The following ZFYVE1 variants were observed in gnomAD, a reference collection of about 807,000 sequenced individuals.
The protein encoded by ZFYVE1 is zinc finger FYVE-type containing 1.
Under a neutral mutation model 74.4 loss-of-function variants are expected in ZFYVE1, and 30 were observed. The observed-to-expected ratio is 0.40, with a 90% confidence interval of 0.30 to 0.55. The LOEUF is 0.55. ZFYVE1 is among the 20% of genes least tolerant of loss of function. The probability of loss-of-function intolerance (pLI) is 0.42; values close to 1 mark genes in which losing one functional copy is unlikely to be tolerated. For synonymous variants in ZFYVE1, 335 were observed against 385.1 expected, an observed-to-expected ratio of 0.87 and a Z score of 1.52; for missense variants, 703 against 1,011.6, an observed-to-expected ratio of 0.69 and a Z score of 4.14.
chr14:72,988,202 T>G lies in ZFYVE1; in HGVS notation c.1203+4941A>C, dbSNP rs148464011. Among the ~76,000 whole-genome samples the G allele has an allele frequency of 6.3e-5, 9 of 142,336 alleles. No individual in the cohort carries two copies. The East Asian group carries it at 1.7e-3, about 26-fold the overall frequency. 93.4% of individuals were successfully genotyped at this position (142,336 alleles called of 152,430 possible). ...TTTTTTTTTTTTTTTTGAGACAGAG[T>G]CTTGCTCTGTCACCCAGGCTAGAGT... On this transcript the variant is annotated intron_variant, in intron 4 of 11. Transcript: ENST00000556143.
chr14:72,983,915 T>C (rs1053330553), intron 4 of ZFYVE1, among the ~76,000 whole-genome samples: 1 of 152,188 alleles, frequency 6.6e-6, no homozygotes, highest in African/African-American at 2.4e-5. Flanking sequence ...TCACACCAGT[T>C]AGAATGGCGA....
At chr14:72,993,410 A>T (rs1893669923) in intron 3 of ZFYVE1, 53 bp from the exon 4 acceptor site, 9 of 1,515,204 alleles carry the variant, frequency 5.9e-6, no homozygotes, top group Non-Finnish European at 8.0e-6. Flanking sequence ...TTAAAAAAAA[A>T]AAAAAAAGTA....
intron 2 of ZFYVE1, among the ~76,000 whole-genome samples, chr14:73,001,999 T>A (rs1462609209): frequency 3.9e-5 from 6 of 152,074 alleles, no homozygotes; most frequent in Admixed American, 1.3e-4. Context: ...TGTTACCTAA[T>A]AACATTTAGG....
At position 72,969,802 on chromosome 14, in the gene ZFYVE1, C is replaced by T. The variant is rs528924468; in HGVS notation, c.*1080G>A. 3.6e-4 allele frequency: 249 copies of T among 683,866 alleles called. 6 individuals carry two copies. In the South Asian group the frequency reaches 3.8e-3, roughly 10 times the overall value. 42.4% of individuals were successfully genotyped at this position (683,866 alleles called of 1,614,324 possible). A position where few individuals can be genotyped will look rare whatever the true frequency, so the allele number is the denominator to read the frequency against. ...TTCCTTTGACTTCTCTTGCAAGGAC[C>T]AAAGAGATAAATTTTTTCTTTACGA... On this transcript the variant is annotated 3_prime_UTR_variant, in exon 12 of 12. Coordinates refer to ENST00000556143, the MANE Select transcript of ZFYVE1 (RefSeq NM_021260.4).
chr14:72,969,526 G>C lies in ZFYVE1; in HGVS notation c.*1356C>G. ...GTAGGGTCCCAGTCACTGGACCCCA[G>C]GAGGCAGGAGGAGCAGGGCTGAGAG... is the stretch of plus-strand genomic sequence containing the variant. On this transcript the variant is annotated 3_prime_UTR_variant, in exon 12 of 12. Transcript: ENST00000556143. 1 of 598,730 alleles carries C rather than the reference G, an allele frequency of 1.7e-6. No individual in the cohort carries two copies. The highest frequency in any genetic ancestry group is 3.0e-6 in the Non-Finnish European group (1 of 337,602). 37.1% of individuals were successfully genotyped at this position (598,730 alleles called of 1,614,324 possible). A position where few individuals can be genotyped will look rare whatever the true frequency, so the allele number is the denominator to read the frequency against.
At chr14:73,019,691 C>T (rs1258316638) in intron 2 of ZFYVE1, among the ~76,000 whole-genome samples, 1 of 152,274 alleles carries the variant, frequency 6.6e-6, no homozygotes, top group East Asian at 1.9e-4. Flanking sequence ...CAGTGGCTCA[C>T]GCCTGTAATC....
At chr14:72,979,268 C>G (rs548913840) in intron 5 of ZFYVE1, 5 of 295,162 alleles carry the variant, frequency 1.7e-5, no homozygotes, top group Non-Finnish European at 3.4e-5. Context: ...GGGAGGCCGA[C>G]GGGGGCAGAT....
chr14:72,977,668 G>A (rs961456662), intron 8 of ZFYVE1, among the ~76,000 whole-genome samples: 41 of 151,942 alleles, frequency 2.7e-4, no homozygotes, highest in Non-Finnish European at 1.0e-4. Context: ...ATGCAAAAAC[G>A]TTTTATTTGC....
intron 2 of ZFYVE1, among the ~76,000 whole-genome samples, chr14:73,001,171 A>G (rs1893861993): frequency 6.7e-6 from 1 of 148,624 alleles, no homozygotes; most frequent in East Asian, 2.0e-4. Context: ...CTGACCTAGT[A>G]TTGGTTGTTT....
At chr14:73,018,729 G>A (rs111456540) in intron 2 of ZFYVE1, among the ~76,000 whole-genome samples, 2,158 of 152,194 alleles carry the variant, frequency 0.014, 55 homozygotes, top group African/African-American at 0.047. Context: ...AGATCATGAG[G>A]TCACGAGTTC....
intron 4 of ZFYVE1, among the ~76,000 whole-genome samples, chr14:72,990,451 C>T (rs138263643): frequency 6.4e-4 from 97 of 151,354 alleles, no homozygotes; most frequent in African/African-American, 2.1e-3. Flanking sequence ...GGCTGGAGTG[C>T]GGTGGCAAGA....
intron 4 of ZFYVE1, among the ~76,000 whole-genome samples, chr14:72,986,082 A>G (rs1046247055): frequency 1.1e-4 from 17 of 152,242 alleles, no homozygotes; most frequent in African/African-American, 3.4e-4. Flanking sequence ...TTAGGATCCA[A>G]TACAGCGTAA....
At chr14:72,981,223 A>G (rs1011890534) in intron 5 of ZFYVE1, among the ~76,000 whole-genome samples, 1 of 152,156 alleles carries the variant, frequency 6.6e-6, no homozygotes, top group African/African-American at 2.4e-5. Context: ...AAACATAGCA[A>G]TGCAGAGGTC....
chr14:73,003,554 CA>C (rs1893918563), intron 2 of ZFYVE1, among the ~76,000 whole-genome samples: 1 of 151,926 alleles, frequency 6.6e-6, no homozygotes. Flanking sequence ...TCTACAAAAT[CA>C]AAAAATTAGC....
chr14:73,023,370 ATATATAATATATATATTT>A (rs1263983514), intron 2 of ZFYVE1, among the ~76,000 whole-genome samples: 279 of 24,176 alleles, frequency 0.012, 1 homozygote, highest in East Asian at 0.021. Context: ...TATATGTTTT[ATATATAATATATATATTT>A]TATGTGTTTT....
At chr14:73,021,084 C>T (rs997643168) in intron 2 of ZFYVE1, among the ~76,000 whole-genome samples, 16 of 152,128 alleles carry the variant, frequency 1.1e-4, no homozygotes, top group Non-Finnish European at 2.2e-4. Context: ...GTCACTCACG[C>T]CTGTAATCCC....
chr14:72,986,204 G>C (rs1421270943), intron 4 of ZFYVE1, among the ~76,000 whole-genome samples: 3 of 152,166 alleles, frequency 2.0e-5, no homozygotes, highest in Admixed American at 6.5e-5. Context: ...TCTGCAGCCT[G>C]ATTTGCCACA....
intron 3 of ZFYVE1, among the ~76,000 whole-genome samples, chr14:72,995,159 A>G (rs1370019199): frequency 1.3e-5 from 2 of 152,158 alleles, no homozygotes; most frequent in African/African-American, 4.8e-5. Flanking sequence ...CAGTGGTGCA[A>G]TCTCGGCTCA....
intron 4 of ZFYVE1, among the ~76,000 whole-genome samples, chr14:72,989,044 C>T (rs1357510666): frequency 6.6e-6 from 1 of 150,700 alleles, no homozygotes; most frequent in East Asian, 2.0e-4. Context: ...CATTCTGCCT[C>T]AGCATCCCAA....
Sources: gnomAD v4.1 joint callset for allele counts (sites outside exome capture counted in the v4.1 genomes callset) on GRCh38, gnomAD v4.1.1 for gene constraint, MANE v1.5 for transcripts, NCBI Gene and HGNC (gene_info 2026-07-23, HGNC 2026-07-21) for gene names.